CAMTA1: variants seen among roughly 807,000 people sequenced by gnomAD.
CAMTA1 encodes the protein calmodulin-binding transcription activator 1.
Under a neutral mutation model 170.9 loss-of-function variants are expected in CAMTA1, and 27 were observed. That is an observed-to-expected ratio of 0.16 (90% CI 0.12 to 0.22). The LOEUF is 0.22. CAMTA1 is among the 10% of genes least tolerant of loss of function. The pLI is 1.00. For missense variants in CAMTA1, 1,619 were observed against 2,217.2 expected (o/e 0.73, Z 5.42); for synonymous variants, 833 against 891.5 (o/e 0.93, Z 1.17).
At chr1:7,699,305 C>T (rs2149483517) in intron 11 of CAMTA1, among the ~76,000 whole-genome samples, 1 of 152,260 alleles carries the variant, frequency 6.6e-6, no homozygotes, top group East Asian at 1.9e-4. Context: ...CCACCACCCT[C>T]CCTAGGCAAT....
At chr1:7,491,791 C>T (rs1390010897) in intron 6 of CAMTA1, among the ~76,000 whole-genome samples, 2 of 152,172 alleles carry the variant, frequency 1.3e-5, no homozygotes, top group Admixed American at 6.5e-5. Flanking sequence ...TTTCCTGTCG[C>T]GAAGCCAGCT....
At chr1:7,545,957 C>CTTTTT (rs70987353) in intron 6 of CAMTA1, among the ~76,000 whole-genome samples, 15 of 131,476 alleles carry the variant, frequency 1.1e-4, no homozygotes, top group South Asian at 2.5e-4. Flanking sequence ...CTTTTCTTTT[C>CTTTTT]TTTTTTTTTT....
intron 3 of CAMTA1, among the ~76,000 whole-genome samples, chr1:6,879,619 T>TC (rs967772557): frequency 2.0e-5 from 3 of 150,462 alleles, no homozygotes; most frequent in Non-Finnish European, 4.4e-5. Flanking sequence ...TTTTCTTTTT[T>TC]TTTTTTTTTT....
At chr1:7,096,145 A>G (rs1642048770) in intron 4 of CAMTA1, among the ~76,000 whole-genome samples, 1 of 152,220 alleles carries the variant, frequency 6.6e-6, no homozygotes, top group Non-Finnish European at 1.5e-5. Context: ...TCAATAAGCA[A>G]TAAAACAGCC....
At chr1:7,272,669 T>TG (rs59043352) in intron 5 of CAMTA1, among the ~76,000 whole-genome samples, 101,807 of 124,440 alleles carry the variant, frequency 0.82, 41,734 homozygotes, top group Admixed American at 0.87. Flanking sequence ...AGAAAGGTTC[T>TG]GGGGCAACTG....
At position 7,562,373 on chromosome 1, in the gene CAMTA1, G is replaced by A. The variant is rs2094969066; in HGVS notation, c.511-78027G>A. Among the ~76,000 whole-genome samples, 1 of 152,188 alleles carries A rather than the reference G, an allele frequency of 6.6e-6. No individual in the cohort carries two copies. Among genetic ancestry groups the A allele is most frequent in the South Asian group, 2.1e-4 (1 of 4,828 alleles). ...CAGTGTAACTCAGTTGGGTATCAGG[G>A]CTGGTGGCAGCAGCAGGGCAGGCCG... On this transcript the variant is annotated intron_variant, in intron 6 of 22. Transcript: ENST00000303635. This position sits in a 1 kb window ranked among gnomAD's most constrained non-coding sequence, Gnocchi z 4.8.
intron 3 of CAMTA1, among the ~76,000 whole-genome samples, chr1:6,951,088 G>T (rs1688405347): frequency 6.6e-6 from 1 of 152,242 alleles, no homozygotes; most frequent in African/African-American, 2.4e-5. Context: ...TTCTATAGCT[G>T]ATTTGGGGTC....
At position 7,609,898 on chromosome 1, in the gene CAMTA1, C is replaced by T. The variant is rs1164216427; in HGVS notation, c.511-30502C>T. ...ATTATTATGTACTGCTCTTACTTCACCTCTCCTGGTCTTCATTCTCTTATT... is the reference window on the plus strand; with the variant it reads ...ATTATTATGTACTGCTCTTACTTCATCTCTCCTGGTCTTCATTCTCTTATT... On this transcript the variant is annotated intron_variant, in intron 6 of 22. Coordinates refer to ENST00000303635, the MANE Select transcript of CAMTA1 (RefSeq NM_015215.4). This position sits in a 1 kb window ranked among gnomAD's most constrained non-coding sequence, Gnocchi z 4.4. Among the ~76,000 whole-genome samples, 1 of 152,190 alleles carries T rather than the reference C, an allele frequency of 6.6e-6. No individual in the cohort carries two copies. The highest frequency in any genetic ancestry group is 1.5e-5 in the Non-Finnish European group (1 of 68,030).
intron 11 of CAMTA1, among the ~76,000 whole-genome samples, chr1:7,699,819 G>T (rs913729775): frequency 6.6e-6 from 1 of 152,058 alleles, no homozygotes; most frequent in Non-Finnish European, 1.5e-5. Context: ...CCTTATTATT[G>T]ATCTTCTTTG....
rs189770809 is a variant in CAMTA1 at position 7,093,831 on chromosome 1, C to T, written c.302+2460C>T. ...CTGGCTCCGTCACTCAGTGGCTTTG[C>T]GACTGTGAAAAGGTCATCTTAGCTC... On this transcript the variant is annotated intron_variant, in intron 4 of 22. Coordinates refer to ENST00000303635, the MANE Select transcript of CAMTA1 (RefSeq NM_015215.4). The surrounding 1 kb of genome is among the most constrained non-coding windows in gnomAD (Gnocchi z 4.6). Among the ~76,000 whole-genome samples, 2 of 152,268 alleles carry T rather than the reference C, an allele frequency of 1.3e-5. No individual in the cohort carries two copies. The highest frequency in any genetic ancestry group is 2.4e-5 in the African/African-American group (1 of 41,564).
rs2092605779 is a variant in CAMTA1, at chr1:7,443,588, C to T, written c.439-24242C>T. On this transcript the variant is annotated intron_variant, in intron 5 of 22. Transcript: ENST00000303635. The surrounding 1 kb of genome is among the most constrained non-coding windows in gnomAD (Gnocchi z 4.1). ...CTGGGAACCCAGTCTCACCTTCCAGCCATATTGAGTGGCACAGAGGAGGCT... is the reference window on the plus strand; with the variant it reads ...CTGGGAACCCAGTCTCACCTTCCAGTCATATTGAGTGGCACAGAGGAGGCT... 6.6e-6 allele frequency among the ~76,000 whole-genome samples: 1 copy of T among 152,008 alleles called. No individual in the cohort carries two copies. The highest frequency in any genetic ancestry group is 2.4e-5 in the African/African-American group (1 of 41,386).
intron 4 of CAMTA1, among the ~76,000 whole-genome samples, chr1:7,155,831 C>T (rs1646845341): frequency 6.6e-6 from 1 of 152,144 alleles, no homozygotes; most frequent in African/African-American, 2.4e-5. Context: ...AATGACACAT[C>T]TCCCTGCGTT....
At chr1:7,315,411 C>A (rs1677340330) in intron 5 of CAMTA1, among the ~76,000 whole-genome samples, 1 of 152,190 alleles carries the variant, frequency 6.6e-6, no homozygotes, top group Non-Finnish European at 1.5e-5. Context: ...GAGGGAAGAC[C>A]TTTTCGCCTT....
At chr1:6,931,143 T>C (rs1684343007) in intron 3 of CAMTA1, among the ~76,000 whole-genome samples, 1 of 152,360 alleles carries the variant, frequency 6.6e-6, no homozygotes, top group South Asian at 2.1e-4. Flanking sequence ...TAGCTGCTCA[T>C]CTGAGGGAAG....
rs981094936 is a variant in CAMTA1, at chr1:7,333,932, A to G, written c.438+84306A>G. 1.3e-5 allele frequency among the ~76,000 whole-genome samples: 2 copies of G among 152,160 alleles called. No homozygotes were observed. The highest frequency in any genetic ancestry group is 4.8e-5 in the African/African-American group (2 of 41,428). ...AAAGAGGTGGGGTTGGAAACTGCCA[A>G]GCAGCAGGGCCGCCTCTCTTTAGAC... is the stretch of plus-strand genomic sequence containing the variant. On this transcript the variant is annotated intron_variant, in intron 5 of 22. Transcript: ENST00000303635. The surrounding 1 kb of genome is among the most constrained non-coding windows in gnomAD (Gnocchi z 4.4).
chr1:7,573,289 C>A (rs772243192), intron 6 of CAMTA1, among the ~76,000 whole-genome samples: 1 of 152,180 alleles, frequency 6.6e-6, no homozygotes, highest in Admixed American at 6.5e-5. Context: ...GATTGACAAA[C>A]CCTCTTGGGC....
intron 3 of CAMTA1, among the ~76,000 whole-genome samples, chr1:7,082,544 C>G (rs7542535): frequency 0.88 from 134,279 of 152,202 alleles, 59,577 homozygotes; most frequent in African/African-American, 0.97. Context: ...CCTGGTTCTT[C>G]GGGATAAAAC....
At chr1:7,304,727 T>G (rs979421821) in intron 5 of CAMTA1, among the ~76,000 whole-genome samples, 4 of 151,692 alleles carry the variant, frequency 2.6e-5, no homozygotes, top group Non-Finnish European at 5.9e-5. Context: ...AGATTGTTGG[T>G]TTTTTTTCTT....
chr1:7,398,846 A>G (rs2149189361), intron 5 of CAMTA1, among the ~76,000 whole-genome samples: 1 of 152,246 alleles, frequency 6.6e-6, no homozygotes, highest in South Asian at 2.1e-4. Flanking sequence ...GGTTTACATT[A>G]ACAATCTTAG....
Sources: gnomAD v4.1 joint callset for allele counts (sites outside exome capture counted in the v4.1 genomes callset) on GRCh38, gnomAD v4.1.1 for gene constraint, Gnocchi (gnomAD v3.1) non-coding constraint, MANE v1.5 for transcripts, NCBI Gene and HGNC (gene_info 2026-07-23, HGNC 2026-07-21) for gene names.